The following CTNND2 variants were observed in gnomAD, a reference collection of about 807,000 sequenced individuals.
CTNND2 encodes catenin delta 2.
CTNND2 carries 22 observed loss-of-function variants against 144.4 expected under a neutral mutation model. That is an observed-to-expected ratio of 0.15 (90% CI 0.11 to 0.22). CTNND2 has a LOEUF of 0.22. Ranked by LOEUF, CTNND2 falls within the 10% of genes least tolerant of loss-of-function variation. The pLI is 1.00. For missense variants in CTNND2, 1,353 were observed against 1,618.8 expected (o/e 0.84, Z 2.82); for synonymous variants, 751 against 695.6 (o/e 1.08, Z -1.25).
intron 12 of CTNND2, among the ~76,000 whole-genome samples, chr5:11,156,648 T>C (rs561300197): frequency 6.6e-6 from 1 of 152,340 alleles, no homozygotes; most frequent in African/African-American, 2.4e-5. Context: ...ATCTAAAATA[T>C]GCCTTAAAAT....
chr5:11,417,315 C>A (rs1210997654), intron 3 of CTNND2, among the ~76,000 whole-genome samples: 1 of 152,092 alleles, frequency 6.6e-6, no homozygotes, highest in African/African-American at 2.4e-5. Context: ...ATACATTTGG[C>A]TACATCAAAA....
intron 3 of CTNND2, among the ~76,000 whole-genome samples, chr5:11,505,921 G>T (rs753954029): frequency 3.9e-5 from 6 of 151,958 alleles, no homozygotes; most frequent in Non-Finnish European, 7.4e-5. Flanking sequence ...TCCTCTCTTC[G>T]ATGGCATCCA....
chr5:11,011,467 T>A (rs1741071194), intron 18 of CTNND2, among the ~76,000 whole-genome samples: 1 of 152,150 alleles, frequency 6.6e-6, no homozygotes, highest in South Asian at 2.1e-4. Flanking sequence ...TCCGCCTATC[T>A]CGGCCTCCCA....
At position 11,293,024 on chromosome 5, in the gene CTNND2, G is replaced by A. The variant is rs189114207; in HGVS notation, c.1628+53348C>T. Reference sequence around the variant, plus strand: ...TGTGCTAAAATCCTTCGCAAACTTAGAGTTATTTAATGCTCACAATGACTC... The same window carrying A: ...TGTGCTAAAATCCTTCGCAAACTTAAAGTTATTTAATGCTCACAATGACTC... On this transcript the variant is annotated intron_variant, in intron 9 of 21. Transcript: ENST00000304623. Among the ~76,000 whole-genome samples, 74 of 152,296 alleles carry A rather than the reference G, an allele frequency of 4.9e-4. No homozygotes were observed. In the Middle Eastern group the frequency reaches 0.01, roughly 21 times the overall value.
intron 2 of CTNND2, among the ~76,000 whole-genome samples, chr5:11,606,445 C>T (rs1780047766): frequency 6.6e-6 from 1 of 152,056 alleles, no homozygotes; most frequent in South Asian, 2.1e-4. Flanking sequence ...GAAAGAGACA[C>T]ATTGGGATGG....
intron 1 of CTNND2, among the ~76,000 whole-genome samples, chr5:11,832,813 T>C (rs1251664713): frequency 6.6e-6 from 1 of 152,082 alleles, no homozygotes; most frequent in East Asian, 1.9e-4. Context: ...TGGTGGTGTA[T>C]GCCTGTAGTT....
intron 1 of CTNND2, among the ~76,000 whole-genome samples, chr5:11,830,811 G>C (rs765116378): frequency 6.6e-6 from 1 of 151,986 alleles, no homozygotes; most frequent in Admixed American, 6.6e-5. Flanking sequence ...CCTAGGTAAG[G>C]AGTGAGTTAA....
In CTNND2 at chr5:11,798,639, T is replaced by A. The variant is rs575107555; in HGVS notation, c.38-66367A>T. On this transcript the variant is annotated intron_variant, in intron 1 of 21. Transcript: ENST00000304623. ...AATATTATCTGGGCCTGGTGGTGCG[T>A]GCCTGTAATGGCAGCTACTCGGGAC... Among the ~76,000 whole-genome samples, 6 of 152,240 alleles carry A rather than the reference T, an allele frequency of 3.9e-5. No individual in the cohort carries two copies. The South Asian group carries it at 6.2e-4, about 16-fold the overall frequency.
chr5:11,217,964 G>A (rs926536354), intron 10 of CTNND2, among the ~76,000 whole-genome samples: 4 of 151,642 alleles, frequency 2.6e-5, no homozygotes, highest in Non-Finnish European at 4.4e-5. Context: ...TTGTTGTTTG[G>A]GACCACCTTA....
At chr5:11,134,903 A>G (rs1755979746) in intron 12 of CTNND2, among the ~76,000 whole-genome samples, 1 of 152,236 alleles carries the variant, frequency 6.6e-6, no homozygotes. Flanking sequence ...ATAAAGCTGC[A>G]CAGAAAGGTC....
At chr5:11,865,796 T>C (rs998983639) in intron 1 of CTNND2, among the ~76,000 whole-genome samples, 3 of 149,632 alleles carry the variant, frequency 2.0e-5, no homozygotes, top group South Asian at 2.1e-4. Flanking sequence ...AGGAGAACTA[T>C]AGACGTAATG....
At chr5:11,856,667 C>T (rs577133734) in intron 1 of CTNND2, among the ~76,000 whole-genome samples, 146 of 152,196 alleles carry the variant, frequency 9.6e-4, no homozygotes, top group African/African-American at 3.3e-3. Flanking sequence ...AAATAGCACC[C>T]CAGGTTTAAA....
At chr5:11,542,037 C>G (rs1774806970) in intron 3 of CTNND2, among the ~76,000 whole-genome samples, 1 of 152,038 alleles carries the variant, frequency 6.6e-6, no homozygotes, top group East Asian at 1.9e-4. Flanking sequence ...CATCATCACC[C>G]CCTTCCTGTT....
At chr5:11,411,491 T>A in intron 5 of CTNND2, 45 bp downstream of exon 5, 2 of 907,438 alleles carry the variant, frequency 2.2e-6, no homozygotes, top group Non-Finnish European at 3.7e-6. Flanking sequence ...GACATAATAC[T>A]CCTATATTTC....
intron 6 of CTNND2, 24 bp from the exon 7 acceptor site, chr5:11,385,253 A>G: frequency 9.5e-7 from 1 of 1,058,124 alleles, no homozygotes; most frequent in Non-Finnish European, 1.1e-6. Context: ...AGGAGAGAAC[A>G]CGCGCACTTA....
At chr5:11,421,459 AC>A (rs1313836103) in intron 3 of CTNND2, among the ~76,000 whole-genome samples, 1 of 152,084 alleles carries the variant, frequency 6.6e-6, no homozygotes, top group Non-Finnish European at 1.5e-5. Context: ...ACAGGGAAAC[AC>A]CCCACTTTGA....
chr5:11,883,809 C>T (rs2127080772), intron 1 of CTNND2, among the ~76,000 whole-genome samples: 2 of 152,292 alleles, frequency 1.3e-5, no homozygotes, highest in South Asian at 4.1e-4. Flanking sequence ...AGTGTAAAAG[C>T]ATTCCTATTT....
chr5:11,678,122 T>C (rs1049728384), intron 2 of CTNND2, among the ~76,000 whole-genome samples: 3 of 152,146 alleles, frequency 2.0e-5, no homozygotes, highest in African/African-American at 7.2e-5. Context: ...TTACTTGGCA[T>C]TGACAATACA....
intron 1 of CTNND2, among the ~76,000 whole-genome samples, chr5:11,847,359 G>A (rs1360843347): frequency 1.3e-5 from 2 of 151,722 alleles, no homozygotes; most frequent in Non-Finnish European, 2.9e-5. Context: ...AGGACATTAT[G>A]TTAAGTGAAC....
Sources: gnomAD v4.1 joint callset for allele counts (sites outside exome capture counted in the v4.1 genomes callset) on GRCh38, gnomAD v4.1.1 for gene constraint, MANE v1.5 for transcripts, NCBI Gene and HGNC (gene_info 2026-07-23, HGNC 2026-07-21) for gene names.